The following PARP4 variants were observed in gnomAD, a reference collection of about 807,000 sequenced individuals.
The protein encoded by PARP4 is protein mono-ADP-ribosyltransferase PARP4.
In PARP4, 120 loss-of-function variants were observed where a neutral mutation model predicts 187.7. That is an observed-to-expected ratio of 0.64 (90% CI 0.55 to 0.74). PARP4 has a LOEUF of 0.74. Among genes scored for constraint, PARP4 ranks in the 30% least tolerant of loss-of-function variants. The pLI, the probability that PARP4 is intolerant of heterozygous loss-of-function variation, is 0.00. For missense variants in PARP4, 1,836 were observed against 2,070.5 expected, an observed-to-expected ratio of 0.89 and a Z score of 2.20; for synonymous variants, 654 against 740.9, an observed-to-expected ratio of 0.88 and a Z score of 1.90.
chr13:24,497,594 A>C (rs1869025430), intron 6 of PARP4, among the ~76,000 whole-genome samples: 1 of 152,138 alleles, frequency 6.6e-6, no homozygotes, highest in African/African-American at 2.4e-5. Context: ...CACACTCCAA[A>C]AGAGAACACA....
At chr13:24,474,881 C>T (rs1872906329) in intron 15 of PARP4, among the ~76,000 whole-genome samples, 1 of 152,114 alleles carries the variant, frequency 6.6e-6, no homozygotes, top group Non-Finnish European at 1.5e-5. Context: ...CCCCTCACCT[C>T]TCTGACTCAG....
intron 9 of PARP4, among the ~76,000 whole-genome samples, chr13:24,491,034 T>C (rs1032562859): frequency 1.3e-5 from 2 of 152,134 alleles, no homozygotes; most frequent in African/African-American, 4.8e-5. Flanking sequence ...CTCAACCTCC[T>C]GAGTTCAATA....
chr13:24,475,041 T>C (rs1872915075), intron 15 of PARP4, among the ~76,000 whole-genome samples: 1 of 152,174 alleles, frequency 6.6e-6, no homozygotes, highest in South Asian at 2.1e-4. Flanking sequence ...TCCACACAGT[T>C]TAGCCCCCAC....
In PARP4 at chr13:24,434,911, C is replaced by A. The variant is rs1870537687; in HGVS notation, c.4230G>T (p.Gln1410His). ...CTCCAGGATGTTGCAGTGGAGCAGA[C>A]TGTGCAGAGCTTAATGAGCTCCCTG... ...VFSGSSLSSA[Q>H]SAPLQHPGGF... Residue 1410 changes from glutamine (Q) to histidine (H), a missense_variant, in exon 31 of 34, where the codon CAG (glutamine) becomes CAT (histidine). Gln to His is a conservative substitution (Grantham distance 24). Coordinates refer to ENST00000381989, the MANE Select transcript of PARP4 (RefSeq NM_006437.4). The A allele has an allele frequency of 6.2e-7, 1 of 1,614,100 alleles. No homozygotes were observed. Among genetic ancestry groups the A allele is most frequent in the Non-Finnish European group, 8.5e-7 (1 of 1,180,022 alleles).
chr13:24,452,292 C>T lies in PARP4; in HGVS notation c.3014+114G>A, dbSNP rs75982470. On this transcript the variant is annotated intron_variant, in intron 24 of 33. Transcript: ENST00000381989. ...GAGCCCGGAGCCCCATCCCTCTATGCTGTAAGGCTTCTGTATTCTAGTGTC... is the reference window on the plus strand; with the variant it reads ...GAGCCCGGAGCCCCATCCCTCTATGTTGTAAGGCTTCTGTATTCTAGTGTC... 1,324 of 848,268 alleles carry T rather than the reference C, an allele frequency of 1.6e-3. 18 individuals are homozygous for T. In the African/African-American group the frequency reaches 0.018, roughly 12 times the overall value. 52.5% of individuals were successfully genotyped at this position (848,268 alleles called of 1,614,324 possible).
chr13:24,465,772 TA>T (rs34165229), intron 17 of PARP4, among the ~76,000 whole-genome samples: 83,786 of 148,732 alleles, frequency 0.56, 23,343 homozygotes, highest in South Asian at 0.67. Flanking sequence ...CCCAGAACTT[TA>T]AAAAAAAAAA....
At chr13:24,435,681 C>G (rs1870599745) in intron 30 of PARP4, among the ~76,000 whole-genome samples, 1 of 152,058 alleles carries the variant, frequency 6.6e-6, no homozygotes, top group African/African-American at 2.4e-5. Context: ...CTTTGGGAGG[C>G]CGAGGAGGAA....
rs565141244 is a variant in PARP4 at position 24,497,764 on chromosome 13, G to A, written c.591+352C>T. Among the ~76,000 whole-genome samples the A allele has an allele frequency of 5.9e-5, 9 of 152,324 alleles. No individual in the cohort carries two copies. The East Asian group carries it at 9.6e-4, about 16-fold the overall frequency. On this transcript the variant is annotated intron_variant, in intron 6 of 33. Coordinates refer to ENST00000381989, the MANE Select transcript of PARP4 (RefSeq NM_006437.4). ...TGATTAATTAAGTGAGATCATAAGG[G>A]TGGGCCCTGATCCAATATGACTGCT... is the stretch of plus-strand genomic sequence containing the variant.
chr13:24,425,843 G>C (rs1340037253), intron 33 of PARP4, among the ~76,000 whole-genome samples: 1 of 151,958 alleles, frequency 6.6e-6, no homozygotes, highest in Non-Finnish European at 1.5e-5. Context: ...GGTGTGAGGG[G>C]GCACTGGCAT....
At chr13:24,505,383 T>C (rs1238200312) in intron 1 of PARP4, among the ~76,000 whole-genome samples, 1 of 149,544 alleles carries the variant, frequency 6.7e-6, no homozygotes, top group African/African-American at 2.5e-5. Context: ...TGATTTGTAT[T>C]GATTTGTACA....
intron 27 of PARP4, among the ~76,000 whole-genome samples, chr13:24,445,021 TCAC>T (rs1168209792): frequency 5.9e-5 from 9 of 152,120 alleles, no homozygotes; most frequent in Admixed American, 5.2e-4. Flanking sequence ...AAGCCTTTGC[TCAC>T]CACGTGTTTC....
intron 24 of PARP4, among the ~76,000 whole-genome samples, chr13:24,451,072 C>A (rs1871492539): frequency 6.6e-6 from 1 of 152,162 alleles, no homozygotes; most frequent in Non-Finnish European, 1.5e-5. Flanking sequence ...CTCCCTGGCA[C>A]ATGGGAAAAT....
At chr13:24,453,036 G>T (rs1376393428) in intron 23 of PARP4, among the ~76,000 whole-genome samples, 8 of 152,084 alleles carry the variant, frequency 5.3e-5, no homozygotes, top group Non-Finnish European at 8.8e-5. Flanking sequence ...CTGGGTTCAA[G>T]CGATTCTCCT....
intron 3 of PARP4, among the ~76,000 whole-genome samples, 179 bp from the exon 4 acceptor site, chr13:24,500,561 A>AC (rs1274461333): frequency 7.2e-6 from 1 of 138,896 alleles, no homozygotes; most frequent in Non-Finnish European, 1.6e-5. Context: ...AATAGGGAGA[A>AC]CATACTCTAA....
chr13:24,498,036 T>C, intron 6 of PARP4, 80 bp downstream of exon 6: 2 of 933,490 alleles, frequency 2.1e-6, no homozygotes, highest in Admixed American at 2.1e-5. Context: ...AAGAAAAAGG[T>C]TGGGAGGTCG....
chr13:24,438,803 C>T (rs1056304754), intron 30 of PARP4, among the ~76,000 whole-genome samples: 2 of 152,130 alleles, frequency 1.3e-5, no homozygotes, highest in African/African-American at 2.4e-5. Context: ...CAAGCTTCAG[C>T]GAGTCGGGAA....
chr13:24,490,194 T>C (rs1306132890), intron 10 of PARP4, among the ~76,000 whole-genome samples: 1 of 152,174 alleles, frequency 6.6e-6, no homozygotes, highest in Non-Finnish European at 1.5e-5. Context: ...TTGTTGTTAC[T>C]GGAGAATGCC....
intron 1 of PARP4, among the ~76,000 whole-genome samples, chr13:24,504,122 T>A (rs1274532482): frequency 6.6e-6 from 1 of 152,152 alleles, no homozygotes; most frequent in East Asian, 1.9e-4. Flanking sequence ...GAAATTAACA[T>A]TATTTGATAG....
rs778083230 is a variant in PARP4 at position 24,455,165 on chromosome 13, G to T, written c.2610C>A (p.Asp870Glu). The T allele has an allele frequency of 3.7e-6, 6 of 1,603,324 alleles. No homozygotes were observed. Among genetic ancestry groups the T allele is most frequent in the African/African-American group, 1.3e-5 (1 of 74,768 alleles). Residue 870 changes from aspartate (D) to glutamate (E), a missense_variant, in exon 22 of 34, where the codon GAC (aspartate) becomes GAA (glutamate). This residue lies in a region of PARP4 where 1,147 missense variants were observed against 1,214.2 expected (regional missense o/e 0.94). Transcript: ENST00000381989. ...TAATCACTTCGCTCTCACTGGCTAGGTCAGGGAGGTCGACATCGAGATCGG... is the reference window on the plus strand; with the variant it reads ...TAATCACTTCGCTCTCACTGGCTAGTTCAGGGAGGTCGACATCGAGATCGG... ...FQPDLDVDLP[D>E]LASESEVIIC...
Sources: allele counts gnomAD v4.1 joint callset (sites outside exome capture counted in the v4.1 genomes callset), GRCh38; gene constraint gnomAD v4.1.1; regional missense constraint gnomAD v4.1.1; transcripts MANE v1.5; gene names NCBI Gene and HGNC (gene_info 2026-07-23, HGNC 2026-07-21).